Variants in ZNF664 observed in about 807,000 individuals in gnomAD.
The protein encoded by ZNF664 is zinc finger Organ of Corti 1.
Under a neutral mutation model 18.2 loss-of-function variants are expected in ZNF664, and 10 were observed. The observed-to-expected ratio is 0.55, with a 90% CI of 0.34 to 0.93. The LOEUF is 0.93. Among genes scored for constraint, ZNF664 ranks in the 40% least tolerant of loss-of-function variants. The probability of loss-of-function intolerance (pLI) is 0.02; values close to 1 mark genes in which losing one functional copy is unlikely to be tolerated. For missense variants in ZNF664, 193 were observed against 319.0 expected, an observed-to-expected ratio of 0.61 and a Z score of 3.01; for synonymous variants, 119 against 104.2, an observed-to-expected ratio of 1.14 and a Z score of -0.86.
rs117500426 is a variant in ZNF664 at position 123,991,022 on chromosome 12, G to A, written c.-661+2884G>A. Among the ~76,000 whole-genome samples the A allele has an allele frequency of 1.2e-4, 18 of 152,328 alleles. No homozygotes were observed. In the South Asian group the frequency reaches 1.7e-3, roughly 14 times the overall value. ...TAAACTGAGGCTGGTGAGAATCAGT[G>A]ACTACAGTCAGACAGCTATTTAGTA... On this transcript the variant is annotated intron_variant, in intron 3 of 4. Coordinates refer to ENST00000337815, the MANE Select transcript of ZNF664 (RefSeq NM_152437.3).
Position 123,999,078 on chromosome 12 carries a change from G to A in ZNF664, c.-661+10940G>A, listed in dbSNP as rs76256644. On this transcript the variant is annotated intron_variant, in intron 3 of 4. Transcript: ENST00000337815. Reference sequence around the variant, plus strand: ...GTTATGATTACTGGCTTAGTGCATCGTCTCCTGAGCCAGGGCCCTTTGATT... The same window carrying A: ...GTTATGATTACTGGCTTAGTGCATCATCTCCTGAGCCAGGGCCCTTTGATT... 2.3e-3 allele frequency among the ~76,000 whole-genome samples: 349 copies of A among 152,238 alleles called. 1 individual carries two copies. Among genetic ancestry groups the A allele is most frequent in the South Asian group, 6.4e-3 (31 of 4,824 alleles).
rs141466392 is a variant in ZNF664, at chr12:124,006,858, G to A, written c.-660-4523G>A. On this transcript the variant is annotated intron_variant, in intron 3 of 4. Coordinates refer to ENST00000337815, the MANE Select transcript of ZNF664 (RefSeq NM_152437.3). ...GAAAGAGGGACTTGCAGTCATGTGG[G>A]ATGTCCCCTTGAAAGCCCCAGTAGG... is the stretch of plus-strand genomic sequence containing the variant. Among the ~76,000 whole-genome samples the A allele has an allele frequency of 8.0e-3, 1,222 of 152,292 alleles. 12 individuals carry two copies. The highest frequency in any genetic ancestry group is 0.031 in the Middle Eastern group (9 of 294).
chr12:124,011,528 T>G lies in ZNF664; in HGVS notation c.-599-18T>G. Reference sequence around the variant, plus strand: ...GATAAAAGCATTTTCAATTTATTTATTTATGTTTCTATTACAGGAGACGGC... The same window carrying G: ...GATAAAAGCATTTTCAATTTATTTAGTTATGTTTCTATTACAGGAGACGGC... On this transcript the variant is annotated intron_variant, in intron 4 of 4. Transcript: ENST00000337815. The G allele has an allele frequency of 1.2e-6, 1 of 800,398 alleles. No individual in the cohort carries two copies. Among genetic ancestry groups the G allele is most frequent in the Non-Finnish European group, 1.5e-6 (1 of 662,188 alleles). The allele number at this position is 800,398 out of a possible 1,614,324, so 49.6% of individuals were successfully genotyped here.
chr12:123,979,689 TTTG>T (rs990192004), intron 2 of ZNF664, among the ~76,000 whole-genome samples: 8 of 152,156 alleles, frequency 5.3e-5, no homozygotes, highest in African/African-American at 1.9e-4. Context: ...TTTTGTTTGT[TTTG>T]TTTTGAGACA....
intron 3 of ZNF664, among the ~76,000 whole-genome samples, chr12:124,010,957 A>T (rs1423332574): frequency 6.6e-6 from 1 of 152,184 alleles, no homozygotes; most frequent in African/African-American, 2.4e-5. Flanking sequence ...AGAAAGCCAG[A>T]GGCAGGAAGC....
intron 2 of ZNF664, among the ~76,000 whole-genome samples, chr12:123,987,737 T>G (rs1303348678): frequency 6.6e-6 from 1 of 152,184 alleles, no homozygotes; most frequent in Non-Finnish European, 1.5e-5. Context: ...CTATGAACCT[T>G]AAACTCATTT....
rs1186503634 is a variant in ZNF664, at chr12:124,014,478, A to G, written c.*1548A>G. ...AACTCAAGGAATGTTTAGAAGACCA[A>G]AAGTCCCCAATGACAGGAACAAAAG... is the stretch of plus-strand genomic sequence containing the variant. On this transcript the variant is annotated 3_prime_UTR_variant, in exon 5 of 5. Transcript: ENST00000337815. 2 of 167,098 alleles carry G rather than the reference A, an allele frequency of 1.2e-5. No individual in the cohort carries two copies. The highest frequency in any genetic ancestry group is 4.8e-5 in the African/African-American group (2 of 41,452). 10.4% of individuals were successfully genotyped at this position (167,098 alleles called of 1,614,324 possible). A position where few individuals can be genotyped will look rare whatever the true frequency, so the allele number is the denominator to read the frequency against.
intron 3 of ZNF664, among the ~76,000 whole-genome samples, chr12:124,001,569 C>G (rs1957012789): frequency 6.6e-6 from 1 of 152,164 alleles, no homozygotes; most frequent in Non-Finnish European, 1.5e-5. Context: ...GCAGAGGCCT[C>G]CTCTAGATCT....
chr12:123,987,158 C>G (rs1321015249), intron 2 of ZNF664, among the ~76,000 whole-genome samples: 1 of 152,198 alleles, frequency 6.6e-6, no homozygotes, highest in Non-Finnish European at 1.5e-5. Flanking sequence ...TCCCCCAAAG[C>G]TCTGGGGAGC....
intron 2 of ZNF664, among the ~76,000 whole-genome samples, chr12:123,980,506 T>C (rs369623122): frequency 2.6e-5 from 4 of 152,236 alleles, no homozygotes; most frequent in South Asian, 4.1e-4. Context: ...GCACAAAATA[T>C]GTATATTGTA....
At chr12:123,974,605 A>G (rs1956660907) in intron 2 of ZNF664, 1 of 152,232 alleles carries the variant, frequency 6.6e-6, no homozygotes, top group Admixed American at 6.5e-5. Context: ...CAGAGATGGC[A>G]TTTTGTCTTT....
chr12:124,011,130 T>TA (rs1345795207), intron 3 of ZNF664, among the ~76,000 whole-genome samples: 1 of 152,250 alleles, frequency 6.6e-6, no homozygotes, highest in Non-Finnish European at 1.5e-5. Flanking sequence ...GCAAGTCAAA[T>TA]ACGATGTTTT....
At position 123,976,125 on chromosome 12, in the gene ZNF664, A is replaced by G. The variant is rs1418113463; in HGVS notation, c.-757+2105A>G. 4.6e-5 allele frequency among the ~76,000 whole-genome samples: 7 copies of G among 152,144 alleles called. No homozygotes were observed. In the East Asian group the frequency reaches 7.7e-4, roughly 17 times the overall value. On this transcript the variant is annotated intron_variant, in intron 2 of 4. Coordinates refer to ENST00000337815, the MANE Select transcript of ZNF664 (RefSeq NM_152437.3). ...AACTTATTTTGTTCTCTTGAAGCTT[A>G]TGATTTGTGAGGGGGATTGGAATTT...
intron 3 of ZNF664, among the ~76,000 whole-genome samples, chr12:124,002,246 C>T (rs992017337): frequency 1.3e-5 from 2 of 152,058 alleles, no homozygotes; most frequent in African/African-American, 4.8e-5. Context: ...ATGAGGCTGG[C>T]AAGCTTGAAG....
At chr12:123,992,870 G>A (rs985363161) in intron 3 of ZNF664, among the ~76,000 whole-genome samples, 2 of 152,126 alleles carry the variant, frequency 1.3e-5, no homozygotes, top group Non-Finnish European at 2.9e-5. Context: ...TTTAGACCTG[G>A]GAATTATGGC....
At chr12:123,977,113 T>C (rs1189217608) in intron 2 of ZNF664, among the ~76,000 whole-genome samples, 1 of 152,172 alleles carries the variant, frequency 6.6e-6, no homozygotes, top group African/African-American at 2.4e-5. Context: ...TCCTTGTTTC[T>C]AATTTTTAAG....
In ZNF664 at chr12:123,973,255, C is replaced by G. The variant is rs1254725178; in HGVS notation, c.-989C>G. The G allele has an allele frequency of 2.0e-6, 2 of 997,660 alleles. No individual in the cohort carries two copies. Among genetic ancestry groups the G allele is most frequent in the Non-Finnish European group, 2.4e-6 (2 of 840,698 alleles). The allele number at this position is 997,660 out of a possible 1,614,324, so 61.8% of individuals were successfully genotyped here. A position where few individuals can be genotyped will look rare whatever the true frequency, so the allele number is the denominator to read the frequency against. ...GGCGTCTGGGTGTGCGGAGCGCGCG[C>G]GCGCGCGGCTCGGAGGCGCACCTGT... On this transcript the variant is annotated 5_prime_UTR_variant, in exon 1 of 5. Transcript: ENST00000337815.
chr12:123,973,228 G>C lies in ZNF664; in HGVS notation c.-1016G>C, dbSNP rs955865415. 1.2e-4 allele frequency: 119 copies of C among 988,174 alleles called. No homozygotes were observed. Among genetic ancestry groups the C allele is most frequent in the Non-Finnish European group, 1.4e-4 (117 of 833,672 alleles). The allele number at this position is 988,174 out of a possible 1,614,324, so 61.2% of individuals were successfully genotyped here. A position where few individuals can be genotyped will look rare whatever the true frequency, so the allele number is the denominator to read the frequency against. ...GCGTGCGCACGCGCGCTGTCCCCCG[G>C]AGGCGTCTGGGTGTGCGGAGCGCGC... On this transcript the variant is annotated 5_prime_UTR_variant, in exon 1 of 5. Transcript: ENST00000337815.
rs900369443 is a variant in ZNF664, at chr12:124,006,371, G to C, written c.-660-5010G>C. The C allele has an allele frequency of 3.9e-5, 6 of 152,344 alleles. No individual in the cohort carries two copies. The South Asian group carries it at 1.0e-3, about 26-fold the overall frequency. The allele number at this position is 152,344 out of a possible 1,614,324, so 9.4% of individuals were successfully genotyped here. A position where few individuals can be genotyped will look rare whatever the true frequency, so the allele number is the denominator to read the frequency against. On this transcript the variant is annotated intron_variant, in intron 3 of 4. Transcript: ENST00000337815. ...CGCTAGAGTGAGGAACTTTTGGTCT[G>C]AACAGCCTTCAAGGGAAACCAGCTT... is the stretch of plus-strand genomic sequence containing the variant.
Sources: gnomAD v4.1 joint callset for allele counts (sites outside exome capture counted in the v4.1 genomes callset) on GRCh38, gnomAD v4.1.1 for gene constraint, MANE v1.5 for transcripts, NCBI Gene and HGNC (gene_info 2026-07-23, HGNC 2026-07-21) for gene names.